The following SLC7A11 variants were observed in gnomAD, a reference collection of about 807,000 sequenced individuals.
The protein encoded by SLC7A11 is cystine/glutamate transporter.
In SLC7A11, 35 loss-of-function variants were observed where a neutral mutation model predicts 54.5. The observed-to-expected ratio is 0.64, with a 90% CI of 0.49 to 0.85. The LOEUF (loss-of-function observed/expected upper bound fraction) is 0.85. Ranked by LOEUF, SLC7A11 falls within the 40% of genes least tolerant of loss-of-function variation. SLC7A11 has a pLI of 0.00. For missense variants in SLC7A11, 583 were observed against 618.1 expected (o/e 0.94, Z 0.60); for synonymous variants, 230 against 225.2 (o/e 1.02, Z -0.19).
chr4:138,217,992 A>G (rs947781409), intron 5 of SLC7A11, among the ~76,000 whole-genome samples: 1 of 152,254 alleles, frequency 6.6e-6, no homozygotes, highest in East Asian at 1.9e-4. Context: ...CTGGGAATAT[A>G]CAAATATTTT....
intron 6 of SLC7A11, among the ~76,000 whole-genome samples, chr4:138,200,819 C>T (rs1737261388): frequency 6.6e-6 from 1 of 152,132 alleles, no homozygotes; most frequent in Admixed American, 6.6e-5. Flanking sequence ...GTCCAATACA[C>T]TAAGCCAAGT....
chr4:138,230,351 C>T (rs1738044681), intron 3 of SLC7A11, among the ~76,000 whole-genome samples: 2 of 151,280 alleles, frequency 1.3e-5, no homozygotes, highest in African/African-American at 4.9e-5. Context: ...CACCAAACCC[C>T]CATGACACGA....
In SLC7A11 at chr4:138,180,671, G is replaced by A; in HGVS notation, c.1236C>T (p.Tyr412=). The A allele has an allele frequency of 1.2e-6, 2 of 1,612,936 alleles. No individual in the cohort carries two copies. Among genetic ancestry groups the A allele is most frequent in the Non-Finnish European group, 1.7e-6 (2 of 1,179,390 alleles). ...LAVAGLIYLR[Y]KCPDMHRPFK... is the part of the protein sequence containing the mutation. ...AAGGACGATGCATATCTGGGCATTTGTATCGAAGATAAATCAGCCCAGCAA... is the reference window on the plus strand; with the variant it reads ...AAGGACGATGCATATCTGGGCATTTATATCGAAGATAAATCAGCCCAGCAA... Residue 412 remains tyrosine (Y), a synonymous_variant, in exon 10 of 12, where the codon TAC becomes TAT. Coordinates refer to ENST00000280612, the MANE Select transcript of SLC7A11 (RefSeq NM_014331.4).
In SLC7A11 at chr4:138,199,922, G is replaced by A. The variant is rs72933872; in HGVS notation, c.791+14663C>T. Among the ~76,000 whole-genome samples the A allele has an allele frequency of 7.5e-3, 1,140 of 152,170 alleles. 18 individuals carry two copies. Among genetic ancestry groups the A allele is most frequent in the African/African-American group, 0.025 (1,029 of 41,536 alleles). The stretch of plus-strand genomic sequence containing the variant: ...ACTTGATCACTTCTCCTTGGCAAGA[G>A]GACACTGCACTGTGAGGAATAAATA... On this transcript the variant is annotated intron_variant, in intron 6 of 11. Transcript: ENST00000280612.
rs540813558 is a variant in SLC7A11, at chr4:138,164,554, A to AGAT, written c.*7399_*7401dup. ...CTCTCTGCACCATTTATATCTTCAT[A>AGAT]GATAAATATCTTAGTTCTAATATGA... On this transcript the variant is annotated 3_prime_UTR_variant, in exon 12 of 12. Transcript: ENST00000280612. 8.5e-5 allele frequency: 13 copies of AGAT among 152,318 alleles called. No homozygotes were observed. In the South Asian group the frequency reaches 2.5e-3, roughly 29 times the overall value. 9.4% of individuals were successfully genotyped at this position (152,318 alleles called of 1,614,324 possible).
intron 4 of SLC7A11, among the ~76,000 whole-genome samples, chr4:138,222,927 C>A (rs1325579888): frequency 6.7e-6 from 1 of 149,064 alleles, no homozygotes. Context: ...TTTTCCACTT[C>A]GAGTTTTCAC....
intron 3 of SLC7A11, among the ~76,000 whole-genome samples, chr4:138,225,762 T>C (rs1481948917): frequency 6.6e-6 from 1 of 152,032 alleles, no homozygotes; most frequent in Non-Finnish European, 1.5e-5. Flanking sequence ...AAAAGGGCAG[T>C]GTTTTCTTTC....
At chr4:138,180,223 A>AT (rs1007261104) in intron 10 of SLC7A11, among the ~76,000 whole-genome samples, 11 of 152,130 alleles carry the variant, frequency 7.2e-5, no homozygotes, top group Non-Finnish European at 1.6e-4. Flanking sequence ...TAAAATGCCT[A>AT]TTTTGTAAAG....
intron 4 of SLC7A11, among the ~76,000 whole-genome samples, chr4:138,220,734 T>C (rs948722925): frequency 6.6e-6 from 1 of 152,184 alleles, no homozygotes; most frequent in Non-Finnish European, 1.5e-5. Context: ...TGAGACTTTG[T>C]TTTAAAATAA....
intron 5 of SLC7A11, among the ~76,000 whole-genome samples, chr4:138,217,840 G>C (rs1737716426): frequency 6.6e-6 from 1 of 152,222 alleles, no homozygotes; most frequent in Admixed American, 6.5e-5. Context: ...CCATAGAACA[G>C]TTGATTCTGC....
intron 3 of SLC7A11, among the ~76,000 whole-genome samples, 172 bp from the exon 4 acceptor site, chr4:138,223,496 A>G (rs1015837963): frequency 2.0e-5 from 3 of 152,210 alleles, no homozygotes; most frequent in Non-Finnish European, 4.4e-5. Context: ...ATACAAATCT[A>G]CATTTCAACA....
intron 1 of SLC7A11, among the ~76,000 whole-genome samples, chr4:138,238,535 T>G (rs1013390057): frequency 6.6e-6 from 1 of 152,188 alleles, no homozygotes; most frequent in African/African-American, 2.4e-5. Context: ...GAAATCTTAG[T>G]GTTACATATT....
chr4:138,189,592 T>A (rs1736959910), intron 6 of SLC7A11, among the ~76,000 whole-genome samples: 1 of 152,150 alleles, frequency 6.6e-6, no homozygotes, highest in Non-Finnish European at 1.5e-5. Flanking sequence ...ATATTTTATA[T>A]AAATGAGGCA....
intron 11 of SLC7A11, 81 bp downstream of exon 11, chr4:138,179,136 T>C: frequency 2.2e-6 from 2 of 899,152 alleles, no homozygotes; most frequent in Non-Finnish European, 3.5e-6. Context: ...TTTTTAAATG[T>C]TAAGTATATT....
At chr4:138,231,855 A>G (rs1046760257) in intron 3 of SLC7A11, among the ~76,000 whole-genome samples, 1 of 152,180 alleles carries the variant, frequency 6.6e-6, no homozygotes, top group African/African-American at 2.4e-5. Flanking sequence ...AGCTGCTAAC[A>G]CTACAAAATG....
chr4:138,213,695 T>A (rs1737610468), intron 6 of SLC7A11, among the ~76,000 whole-genome samples: 1 of 152,048 alleles, frequency 6.6e-6, no homozygotes, highest in Non-Finnish European at 1.5e-5. Context: ...ACTGGATAAA[T>A]AATCTATTTT....
At chr4:138,228,662 G>A (rs112927898) in intron 3 of SLC7A11, among the ~76,000 whole-genome samples, 14,862 of 150,548 alleles carry the variant, frequency 0.099, 779 homozygotes, top group Non-Finnish European at 0.1. Flanking sequence ...TGGAGGCTGA[G>A]GCAGGAGAAT....
chr4:138,203,082 T>A (rs1737325788), intron 6 of SLC7A11, among the ~76,000 whole-genome samples: 1 of 152,074 alleles, frequency 6.6e-6, no homozygotes, highest in Admixed American at 6.6e-5. Flanking sequence ...AACTAAGGAC[T>A]TCCTTTACCT....
At chr4:138,222,912 T>G (rs1737850464) in intron 4 of SLC7A11, among the ~76,000 whole-genome samples, 1 of 152,022 alleles carries the variant, frequency 6.6e-6, no homozygotes, top group African/African-American at 2.4e-5. Flanking sequence ...TGGCAGGTTT[T>G]TTTTTTTTCC....
Sources: allele counts gnomAD v4.1 joint callset (sites outside exome capture counted in the v4.1 genomes callset), GRCh38; gene constraint gnomAD v4.1.1; transcripts MANE v1.5; gene names NCBI Gene and HGNC (gene_info 2026-07-23, HGNC 2026-07-21).